Variants in VOPP1 observed in about 807,000 individuals in gnomAD.
VOPP1 encodes the protein VOPP1 WW domain binding protein, also known as WW domain binding protein VOPP1.
Under a neutral mutation model 23.5 loss-of-function variants are expected in VOPP1, and 8 were observed. The ratio of observed to expected loss-of-function variants is 0.34; its 90% CI spans 0.20 to 0.61. The LOEUF (loss-of-function observed/expected upper bound fraction) is 0.61, where lower values mean the gene tolerates loss of function less well. VOPP1 is among the 20% of genes least tolerant of loss of function. The pLI is 0.78. For missense variants in VOPP1, 174 were observed against 238.1 expected, an observed-to-expected ratio of 0.73 and a Z score of 1.77; for synonymous variants, 83 against 97.3, an observed-to-expected ratio of 0.85 and a Z score of 0.86.
chr7:55,508,211 G>A (rs969618232), intron 2 of VOPP1, among the ~76,000 whole-genome samples: 1 of 152,192 alleles, frequency 6.6e-6, no homozygotes, highest in African/African-American at 2.4e-5. Flanking sequence ...GAAGAGGTGA[G>A]GTAAGATGGA....
At chr7:55,462,778 C>T (rs1791535937) in intron 4 of VOPP1, among the ~76,000 whole-genome samples, 1 of 149,532 alleles carries the variant, frequency 6.7e-6, no homozygotes, top group Non-Finnish European at 1.5e-5. Flanking sequence ...GCCTCAGCCT[C>T]CCAAGTAGCT....
Position 55,489,348 on chromosome 7 carries a change from T to C in VOPP1, c.328+2934A>G, listed in dbSNP as rs143169796. Among the ~76,000 whole-genome samples, 102 of 152,322 alleles carry C rather than the reference T, an allele frequency of 6.7e-4. 1 individual carries two copies. The East Asian group carries it at 0.017, about 26-fold the overall frequency. ...AAGTCTACATTTTGGTCAGAGAAGATGCGCTGGGACCAGCAGCCACTCGCT... is the reference window on the plus strand; with the variant it reads ...AAGTCTACATTTTGGTCAGAGAAGACGCGCTGGGACCAGCAGCCACTCGCT... On this transcript the variant is annotated intron_variant, in intron 4 of 4. Coordinates refer to ENST00000285279, the MANE Select transcript of VOPP1 (RefSeq NM_030796.5).
At chr7:55,445,760 T>C (rs893700348) in intron 4 of VOPP1, among the ~76,000 whole-genome samples, 4 of 152,216 alleles carry the variant, frequency 2.6e-5, no homozygotes, top group Non-Finnish European at 5.9e-5. Flanking sequence ...AGAGCTGTGG[T>C]GTCCAATATG....
chr7:55,530,763 G>A (rs907281779), intron 1 of VOPP1: 2 of 152,182 alleles, frequency 1.3e-5, no homozygotes, highest in Admixed American at 6.5e-5. Context: ...TGAAAGACCC[G>A]ATCTCCATGC....
rs868745797 is a variant in VOPP1 at position 55,563,299 on chromosome 7, G to A, written c.54+8972C>T. Among the ~76,000 whole-genome samples, 35 of 152,224 alleles carry A rather than the reference G, an allele frequency of 2.3e-4. No homozygotes were observed. In the Middle Eastern group the frequency reaches 0.017, roughly 74 times the overall value. The stretch of plus-strand genomic sequence containing the variant: ...AATTCAAAAAAGGAATGCTATATTT[G>A]CAACCATTAGAGAAGATTATTTGCG... On this transcript the variant is annotated intron_variant, in intron 1 of 4. Coordinates refer to ENST00000285279, the MANE Select transcript of VOPP1 (RefSeq NM_030796.5).
intron 1 of VOPP1, among the ~76,000 whole-genome samples, chr7:55,570,094 G>T (rs1169583434): frequency 6.6e-6 from 1 of 152,114 alleles, no homozygotes; most frequent in Non-Finnish European, 1.5e-5. Flanking sequence ...CCTGAAGAGA[G>T]CCATTTGCCA....
intron 4 of VOPP1, among the ~76,000 whole-genome samples, chr7:55,490,565 C>T (rs1490666886): frequency 6.6e-6 from 1 of 152,210 alleles, no homozygotes; most frequent in Non-Finnish European, 1.5e-5. Flanking sequence ...TGGCCTTCTG[C>T]ACTGGGGGCA....
rs948897763 is a variant in VOPP1 at position 55,492,266 on chromosome 7, G to C, written c.328+16C>G. ...ACACACTGTGGGGAGGAGAGACAAG[G>C]ACAGGGCTGGCTGACCTGGGCCGGG... is the stretch of plus-strand genomic sequence containing the variant. On this transcript the variant is annotated intron_variant, in intron 4 of 4. Coordinates refer to ENST00000285279, the MANE Select transcript of VOPP1 (RefSeq NM_030796.5). The C allele has an allele frequency of 8.7e-6, 14 of 1,605,710 alleles. No homozygotes were observed. The African/African-American group carries it at 1.6e-4, about 18-fold the overall frequency.
chr7:55,512,232 C>G (rs1795116898), intron 2 of VOPP1, among the ~76,000 whole-genome samples: 2 of 152,118 alleles, frequency 1.3e-5, no homozygotes. Context: ...TCGAGACCAG[C>G]CTGGCCAACA....
intron 2 of VOPP1, among the ~76,000 whole-genome samples, chr7:55,498,040 C>A (rs1794099942): frequency 6.6e-6 from 1 of 152,232 alleles, no homozygotes; most frequent in South Asian, 2.1e-4. Context: ...CACAGGAGCC[C>A]AGCACCCACG....
intron 1 of VOPP1, among the ~76,000 whole-genome samples, chr7:55,561,443 A>G (rs7790820): frequency 0.94 from 143,111 of 152,138 alleles, 67,728 homozygotes; most frequent in East Asian, 1. Flanking sequence ...GGGCACGGTG[A>G]CTCATACCTG....
chr7:55,458,988 ATTTAG>A (rs1210487126), intron 4 of VOPP1, among the ~76,000 whole-genome samples: 1 of 151,936 alleles, frequency 6.6e-6, no homozygotes, highest in Non-Finnish European at 1.5e-5. Context: ...GCTTTTCCCC[ATTTAG>A]TATGATGTCA....
rs1791499081 is a variant in VOPP1, at chr7:55,461,446, C to A, written n.418-25272G>T. ...TTTTTTCTTGAGACGGAGTCTCACT[C>A]CGTAGCCCAGGCTGGAGTGCAGTGG... On this transcript the variant is annotated intron_variant and non_coding_transcript_variant, in intron 4 of 4. Transcript: ENST00000462326. Among the ~76,000 whole-genome samples the A allele has an allele frequency of 4.6e-5, 7 of 152,262 alleles. No individual in the cohort carries two copies. In the South Asian group the frequency reaches 1.5e-3, roughly 32 times the overall value.
At chr7:55,540,268 C>T (rs375665117) in intron 1 of VOPP1, among the ~76,000 whole-genome samples, 154 of 151,844 alleles carry the variant, frequency 1.0e-3, no homozygotes, top group African/African-American at 3.5e-3. Context: ...CATGGTGGTG[C>T]GTGCCTGTAG....
At chr7:55,536,124 C>T (rs529363478) in intron 1 of VOPP1, among the ~76,000 whole-genome samples, 3 of 152,344 alleles carry the variant, frequency 2.0e-5, no homozygotes, top group East Asian at 1.9e-4. Context: ...TTGGTGGAAA[C>T]GCTCACATAT....
intron 2 of VOPP1, among the ~76,000 whole-genome samples, chr7:55,511,652 T>C (rs1238999511): frequency 6.6e-6 from 1 of 152,226 alleles, no homozygotes; most frequent in Admixed American, 6.5e-5. Context: ...TTGCCTCCTT[T>C]GGAAAGGCTT....
chr7:55,546,942 T>A (rs1461254955), intron 1 of VOPP1, among the ~76,000 whole-genome samples: 1 of 152,166 alleles, frequency 6.6e-6, no homozygotes. Context: ...CCCCTGAACA[T>A]GGAGAAGGAC....
intron 4 of VOPP1, among the ~76,000 whole-genome samples, chr7:55,459,604 T>C (rs1171925560): frequency 6.6e-6 from 1 of 152,186 alleles, no homozygotes; most frequent in Admixed American, 6.5e-5. Context: ...CTTGGAAGGT[T>C]GTATGTGTCC....
At chr7:55,446,032 G>T (rs574297951) in intron 4 of VOPP1, among the ~76,000 whole-genome samples, 6 of 141,752 alleles carry the variant, frequency 4.2e-5, no homozygotes, top group South Asian at 2.2e-4. Context: ...TCGCTCTGTC[G>T]CCCAGCCTGG....
Sources: gnomAD v4.1 joint callset for allele counts (sites outside exome capture counted in the v4.1 genomes callset) on GRCh38, gnomAD v4.1.1 for gene constraint, MANE v1.5 for transcripts, NCBI Gene and HGNC (gene_info 2026-07-23, HGNC 2026-07-21) for gene names.